Variants in OSBPL10 observed in about 807,000 individuals in gnomAD.
The protein encoded by OSBPL10 is oxysterol-binding protein-related protein 10.
A neutral mutation model predicts 81.7 loss-of-function variants in OSBPL10; 49 were observed. The ratio of observed to expected loss-of-function variants is 0.60; its 90% CI spans 0.48 to 0.76. OSBPL10 has a LOEUF of 0.76. OSBPL10 is among the 30% of genes least tolerant of loss of function. OSBPL10 has a pLI of 0.00. For missense variants in OSBPL10, 923 were observed against 987.8 expected, an observed-to-expected ratio of 0.93 and a Z score of 0.88; for synonymous variants, 419 against 383.6, an observed-to-expected ratio of 1.09 and a Z score of -1.08.
intron 1 of OSBPL10, among the ~76,000 whole-genome samples, chr3:31,943,520 G>C (rs998439289): frequency 5.3e-5 from 8 of 152,130 alleles, no homozygotes; most frequent in African/African-American, 1.9e-4. Flanking sequence ...ACACCACCCA[G>C]AGAAAGTCGC....
intron 2 of OSBPL10, among the ~76,000 whole-genome samples, chr3:32,031,210 C>T (rs1236188998): frequency 6.6e-6 from 1 of 151,572 alleles, no homozygotes; most frequent in Non-Finnish European, 1.5e-5. Flanking sequence ...TTGAGGAGAA[C>T]TTAAGTGACA....
At chr3:31,723,462 T>C (rs1300446447) in intron 6 of OSBPL10, among the ~76,000 whole-genome samples, 1 of 151,442 alleles carries the variant, frequency 6.6e-6, no homozygotes, top group Non-Finnish European at 1.5e-5. Flanking sequence ...GCCATTTGAG[T>C]CCTACATCCA....
At chr3:31,833,701 A>ACACG (rs879635047) in intron 3 of OSBPL10, among the ~76,000 whole-genome samples, 2 of 118,424 alleles carry the variant, frequency 1.7e-5, no homozygotes, top group Non-Finnish European at 1.7e-5. Context: ...ACGCACACGC[A>ACACG]CACGCACACA....
At chr3:31,769,066 A>G (rs7612780) in intron 4 of OSBPL10, among the ~76,000 whole-genome samples, 118,467 of 152,052 alleles carry the variant, frequency 0.78, 46,197 homozygotes, top group East Asian at 0.8. Context: ...CCCATGGAAA[A>G]TAAGAAAGGG....
chr3:31,774,212 A>G (rs1375155124), intron 4 of OSBPL10, among the ~76,000 whole-genome samples: 1 of 151,744 alleles, frequency 6.6e-6, no homozygotes, highest in Non-Finnish European at 1.5e-5. Flanking sequence ...GATGCTTTTC[A>G]GGAGATTCCT....
At chr3:31,813,075 T>C (rs1486258781) in intron 4 of OSBPL10, among the ~76,000 whole-genome samples, 6 of 152,128 alleles carry the variant, frequency 3.9e-5, no homozygotes, top group Admixed American at 2.0e-4. Context: ...TCTCTGAAAA[T>C]AAAAATACAG....
At chr3:31,944,763 T>C (rs1158696448) in intron 1 of OSBPL10, among the ~76,000 whole-genome samples, 2 of 142,606 alleles carry the variant, frequency 1.4e-5, no homozygotes, top group African/African-American at 5.2e-5. Flanking sequence ...GTACAGGAGT[T>C]AAGGTTGCAG....
chr3:31,966,123 C>T (rs1698393433), intron 1 of OSBPL10, among the ~76,000 whole-genome samples: 1 of 146,530 alleles, frequency 6.8e-6, no homozygotes, highest in South Asian at 2.1e-4. Flanking sequence ...AGCAAGACCC[C>T]ATCTCTACTA....
intron 4 of OSBPL10, among the ~76,000 whole-genome samples, chr3:31,784,707 C>T (rs576110719): frequency 7.2e-5 from 11 of 151,852 alleles, no homozygotes; most frequent in African/African-American, 2.7e-4. Flanking sequence ...CTCAGCCTCC[C>T]CAGTAACCGG....
intron 1 of OSBPL10, among the ~76,000 whole-genome samples, chr3:31,947,878 T>TTAAGTTTGCAG (rs1298578316): frequency 6.6e-6 from 1 of 151,864 alleles, no homozygotes; most frequent in African/African-American, 2.4e-5. Flanking sequence ...TGCATAGGAG[T>TTAAGTTTGCAG]TGAGATAAGC....
intron 1 of OSBPL10, among the ~76,000 whole-genome samples, chr3:31,973,361 A>G (rs1198450953): frequency 2.0e-5 from 3 of 152,170 alleles, no homozygotes; most frequent in African/African-American, 7.2e-5. Context: ...GTGACCACCA[A>G]TGCAACCCCT....
rs1699752936 is a variant in OSBPL10, at chr3:32,061,321, C to T, written n.186-14718G>A. On this transcript the variant is annotated intron_variant and non_coding_transcript_variant, in intron 1 of 3. Transcript: ENST00000479173. ...CCTTGCACTGCTATATGTCTAGTACCCAGCCCAGGCCACCTGGTAGGAGCT... is the reference window on the plus strand; with the variant it reads ...CCTTGCACTGCTATATGTCTAGTACTCAGCCCAGGCCACCTGGTAGGAGCT... Among the ~76,000 whole-genome samples, 4 of 92,546 alleles carry T rather than the reference C, an allele frequency of 4.3e-5. 2 individuals carry two copies. Among genetic ancestry groups the T allele is most frequent in the Non-Finnish European group, 1.2e-4 (4 of 34,682 alleles). 60.7% of individuals were successfully genotyped at this position (92,546 alleles called of 152,430 possible). A position where few individuals can be genotyped will look rare whatever the true frequency, so the allele number is the denominator to read the frequency against.
intron 4 of OSBPL10, among the ~76,000 whole-genome samples, chr3:31,812,818 G>GAGAA (rs745663706): frequency 0.041 from 1,066 of 25,782 alleles, 129 homozygotes; most frequent in East Asian, 0.32. Context: ...AAGAAAGAAA[G>GAGAA]AGAAAGAAAG....
At chr3:31,841,256 T>C (rs977328765) in intron 3 of OSBPL10, among the ~76,000 whole-genome samples, 2 of 152,244 alleles carry the variant, frequency 1.3e-5, no homozygotes, top group Non-Finnish European at 2.9e-5. Flanking sequence ...CTTGGACTTT[T>C]AAGAATCCTG....
Position 31,829,918 on chromosome 3 carries a change from G to A in OSBPL10, c.729+122C>T, listed in dbSNP as rs577280066. 4.4e-5 allele frequency: 42 copies of A among 962,250 alleles called. No individual in the cohort carries two copies. In the South Asian group the frequency reaches 8.1e-4, roughly 19 times the overall value. 59.6% of individuals were successfully genotyped at this position (962,250 alleles called of 1,614,324 possible). A position where few individuals can be genotyped will look rare whatever the true frequency, so the allele number is the denominator to read the frequency against. ...GACCGTCACAGCCGTGTGGCTGGGA[G>A]GTTTGCTGCTGGTCCTCTCTCCATA... On this transcript the variant is annotated intron_variant, in intron 4 of 11. Coordinates refer to ENST00000396556, the MANE Select transcript of OSBPL10 (RefSeq NM_017784.5).
chr3:32,032,344 G>C (rs1413167643), intron 2 of OSBPL10, among the ~76,000 whole-genome samples: 1 of 152,030 alleles, frequency 6.6e-6, no homozygotes, highest in African/African-American at 2.4e-5. Flanking sequence ...GAACCCGGGA[G>C]GCAGAGGTTG....
At chr3:31,680,915 G>T (rs1700624056) in intron 8 of OSBPL10, among the ~76,000 whole-genome samples, 1 of 152,202 alleles carries the variant, frequency 6.6e-6, no homozygotes, top group Admixed American at 6.5e-5. Flanking sequence ...ACCCAGTCAT[G>T]AATTGGGATT....
chr3:31,974,174 A>G (rs1266536146), intron 1 of OSBPL10, among the ~76,000 whole-genome samples: 1 of 152,222 alleles, frequency 6.6e-6, no homozygotes, highest in African/African-American at 2.4e-5. Flanking sequence ...ATGGCCGATT[A>G]ATACGTGAAA....
chr3:31,884,246 A>G (rs1293109648), intron 1 of OSBPL10, among the ~76,000 whole-genome samples: 1 of 152,212 alleles, frequency 6.6e-6, no homozygotes, highest in Non-Finnish European at 1.5e-5. Context: ...TCTGCCTCAG[A>G]TGAAAAAAAA....
Sources: allele counts gnomAD v4.1 joint callset (sites outside exome capture counted in the v4.1 genomes callset), GRCh38; gene constraint gnomAD v4.1.1; transcripts MANE v1.5; gene names NCBI Gene and HGNC (gene_info 2026-07-23, HGNC 2026-07-21).